Variants in VRK2 observed in about 807,000 individuals in gnomAD.
VRK2 encodes the protein VRK serine/threonine kinase 2.
In VRK2, 60 loss-of-function variants were observed where a neutral mutation model predicts 57.6. The ratio of observed to expected loss-of-function variants is 1.04; its 90% CI spans 0.85 to 1.29. VRK2 has a LOEUF of 1.29. Ranked by LOEUF, VRK2 falls within the 50% of genes most tolerant of loss-of-function variation. The pLI is 0.00. For synonymous variants in VRK2, 231 were observed against 199.2 expected (o/e 1.16, Z -1.35); for missense variants, 705 against 588.1 (o/e 1.20, Z -2.06).
intron 11 of VRK2, among the ~76,000 whole-genome samples, chr2:58,144,456 A>G (rs1681814724): frequency 6.6e-6 from 1 of 151,992 alleles, no homozygotes; most frequent in South Asian, 2.1e-4. Context: ...TGTTGTATTC[A>G]TTTTGCAATG....
Position 58,146,388 on chromosome 2 carries a change from A to G in VRK2, c.1096A>G (p.Ser366Gly). 6.2e-7 allele frequency: 1 copy of G among 1,611,822 alleles called. No individual in the cohort carries two copies. ...HNRLIEKKVH[S>G]ERSAESCATW... ...TAGGTTAATCGAAAAAAAAGTCCAC[A>G]GTGAGAGAAGCGCTGAGTCCTGTGC... is the stretch of plus-strand genomic sequence containing the variant. Residue 366 changes from serine (S) to glycine (G), a missense_variant, in exon 12 of 13, where the codon AGT becomes GGT. By Grantham distance (56) the Ser-to-Gly change is moderately conservative (BLOSUM62 0). Transcript: ENST00000340157.
chr2:58,036,834 C>T (rs1290386484), intron 3 of VRK2, among the ~76,000 whole-genome samples: 2 of 152,038 alleles, frequency 1.3e-5, no homozygotes, highest in Non-Finnish European at 2.9e-5. Flanking sequence ...ATTTTATAAT[C>T]TATACTGTCC....
chr2:58,104,236 G>T (rs1674423482), intron 7 of VRK2, among the ~76,000 whole-genome samples: 1 of 151,604 alleles, frequency 6.6e-6, no homozygotes, highest in African/African-American at 2.4e-5. Context: ...AGAAAGAAAT[G>T]AAATACATCC....
chr2:57,984,518 C>A (rs1280144196), intron 1 of VRK2, among the ~76,000 whole-genome samples: 1 of 152,076 alleles, frequency 6.6e-6, no homozygotes, highest in Non-Finnish European at 1.5e-5. Flanking sequence ...GTATTTTTAG[C>A]TAACTATGGC....
At chr2:58,103,148 C>T (rs1674250445) in intron 7 of VRK2, among the ~76,000 whole-genome samples, 1 of 151,124 alleles carries the variant, frequency 6.6e-6, no homozygotes. Flanking sequence ...CACAAATTAA[C>T]CAAACATCAC....
At chr2:58,015,542 A>G (rs1022568407) in intron 1 of VRK2, among the ~76,000 whole-genome samples, 3 of 152,210 alleles carry the variant, frequency 2.0e-5, no homozygotes, top group African/African-American at 7.2e-5. Context: ...CAATCACTCA[A>G]TAAGCAAGAA....
intron 1 of VRK2, among the ~76,000 whole-genome samples, chr2:57,916,258 T>A: frequency 6.6e-6 from 1 of 151,596 alleles, no homozygotes. Flanking sequence ...AATACAAAAT[T>A]AGCCAAGCAT....
At chr2:58,096,228 C>G (rs998620188) in intron 7 of VRK2, among the ~76,000 whole-genome samples, 9 of 151,964 alleles carry the variant, frequency 5.9e-5, no homozygotes, top group Non-Finnish European at 8.8e-5. Flanking sequence ...TGATATTGAT[C>G]CATAGTTTTC....
intron 12 of VRK2, among the ~76,000 whole-genome samples, chr2:58,155,070 C>T (rs1683598791): frequency 6.6e-6 from 1 of 151,972 alleles, no homozygotes; most frequent in African/African-American, 2.4e-5. Flanking sequence ...TTGAATGTTC[C>T]AGTTGCAGTT....
chr2:57,972,649 CTTAA>C (rs1198371742), intron 1 of VRK2, among the ~76,000 whole-genome samples: 1 of 151,592 alleles, frequency 6.6e-6, no homozygotes, highest in Non-Finnish European at 1.5e-5. Flanking sequence ...TATTCTTTGT[CTTAA>C]TTTTTAATAT....
intron 1 of VRK2, among the ~76,000 whole-genome samples, chr2:57,933,425 G>A (rs763839852): frequency 9.5e-5 from 13 of 136,392 alleles, no homozygotes; most frequent in Non-Finnish European, 1.8e-4. Context: ...CGATTCTTCT[G>A]CCTCAGCCTC....
intron 1 of VRK2, among the ~76,000 whole-genome samples, chr2:58,001,426 C>T (rs541243618): frequency 4.6e-5 from 7 of 152,306 alleles, no homozygotes; most frequent in African/African-American, 1.7e-4. Flanking sequence ...ACTGTTTCTG[C>T]TTTTCTGAGA....
chr2:58,159,306 C>T (rs774033309), intron 12 of VRK2, 43 bp from the exon 13 acceptor site: 3 of 1,440,796 alleles, frequency 2.1e-6, no homozygotes, highest in Non-Finnish European at 1.9e-6. Flanking sequence ...ACTTGGATAA[C>T]TCACGTCTAA....
intron 7 of VRK2, among the ~76,000 whole-genome samples, chr2:58,092,342 G>T (rs1268482136): frequency 6.6e-6 from 1 of 152,092 alleles, no homozygotes; most frequent in South Asian, 2.1e-4. Context: ...ATCTTTGTAG[G>T]TCATTAGTAG....
chr2:57,991,198 C>A (rs1672756000), intron 1 of VRK2, among the ~76,000 whole-genome samples: 1 of 152,110 alleles, frequency 6.6e-6, no homozygotes, highest in African/African-American at 2.4e-5. Context: ...TAGTAATTCT[C>A]CCCACCATCA....
intron 2 of VRK2, among the ~76,000 whole-genome samples, chr2:58,061,225 A>T (rs936500302): frequency 6.6e-6 from 1 of 151,872 alleles, no homozygotes; most frequent in Non-Finnish European, 1.5e-5. Context: ...CCTTTAGGGA[A>T]GCTCAAAATG....
intron 1 of VRK2, among the ~76,000 whole-genome samples, chr2:57,935,545 G>C (rs942934060): frequency 7.2e-5 from 11 of 152,088 alleles, no homozygotes; most frequent in African/African-American, 2.7e-4. Context: ...AGAGGAGTGA[G>C]ACACATGGAG....
rs376882441 is a variant in VRK2, at chr2:57,940,641, T to C, written c.-439+32802T>C. On this transcript the variant is annotated intron_variant, in intron 1 of 15. Coordinates refer to the VRK2 transcript ENST00000417641. ...GTCAAACATTTTCCAGTCTTTCTTCTTTCCTTTCCTTCCTATATTATTTTA... is the reference window on the plus strand; with the variant it reads ...GTCAAACATTTTCCAGTCTTTCTTCCTTCCTTTCCTTCCTATATTATTTTA... Among the ~76,000 whole-genome samples, 53 of 152,322 alleles carry C rather than the reference T, an allele frequency of 3.5e-4. 1 individual carries two copies. The South Asian group carries it at 0.01, about 30-fold the overall frequency.
chr2:57,915,365 A>G (rs948328566), intron 1 of VRK2, among the ~76,000 whole-genome samples: 10 of 152,184 alleles, frequency 6.6e-5, no homozygotes, highest in Non-Finnish European at 8.8e-5. Context: ...ATTTTTGAAG[A>G]TCAGGCCCAG....
Sources: allele counts gnomAD v4.1 joint callset (sites outside exome capture counted in the v4.1 genomes callset), GRCh38; gene constraint gnomAD v4.1.1; transcripts MANE v1.5; gene names NCBI Gene and HGNC (gene_info 2026-07-23, HGNC 2026-07-21).